PLPPR1: variants seen among roughly 807,000 people sequenced by gnomAD.
The protein encoded by PLPPR1 is phospholipid phosphatase related 1.
A neutral mutation model predicts 33.1 loss-of-function variants in PLPPR1; 10 were observed. The ratio of observed to expected loss-of-function variants is 0.30; its 90% CI spans 0.19 to 0.51. The LOEUF is 0.51. PLPPR1 is among the 20% of genes least tolerant of loss of function. The pLI is 0.97. For synonymous variants in PLPPR1, 151 were observed against 151.0 expected, an observed-to-expected ratio of 1.00 and a Z score of 0.00; for missense variants, 304 against 408.1, an observed-to-expected ratio of 0.74 and a Z score of 2.20.
chr9:101,070,312 A>G (rs557674457), intron 1 of PLPPR1, among the ~76,000 whole-genome samples: 2 of 152,256 alleles, frequency 1.3e-5, no homozygotes, highest in East Asian at 1.9e-4. Context: ...ACTTTGGGTT[A>G]TAATCCAATA....
At chr9:101,029,766 A>G (rs942955405) in intron 1 of PLPPR1, among the ~76,000 whole-genome samples, 1 of 151,848 alleles carries the variant, frequency 6.6e-6, no homozygotes, top group Non-Finnish European at 1.5e-5. Context: ...TGCCATAATC[A>G]CCTCCTAGAA....
rs10989467 is a variant in PLPPR1 at position 101,292,656 on chromosome 9, T to G, written c.385+6420T>G. 1.4e-4 allele frequency among the ~76,000 whole-genome samples: 22 copies of G among 151,752 alleles called. 1 individual carries two copies. Among genetic ancestry groups the G allele is most frequent in the Non-Finnish European group, 4.4e-5 (3 of 68,024 alleles). On this transcript the variant is annotated intron_variant, in intron 4 of 7. Coordinates refer to ENST00000374874, the MANE Select transcript of PLPPR1 (RefSeq NM_207299.2). ...GGCGGGGGGGGCCAATATTCAACAT[T>G]CTTAAAGAAAAGAATTTTCAACCCA...
chr9:101,238,043 A>G (rs546250066), intron 2 of PLPPR1, among the ~76,000 whole-genome samples: 4 of 136,758 alleles, frequency 2.9e-5, no homozygotes, highest in South Asian at 2.3e-4. Context: ...AGAAATGTGT[A>G]TATATATATA....
At chr9:101,256,551 G>C (rs925331732) in intron 2 of PLPPR1, among the ~76,000 whole-genome samples, 7 of 152,114 alleles carry the variant, frequency 4.6e-5, no homozygotes, top group African/African-American at 1.7e-4. Context: ...GATCCAAAAG[G>C]GATCTCCGTA....
chr9:101,082,133 G>A (rs1830626682), intron 1 of PLPPR1, among the ~76,000 whole-genome samples: 1 of 152,088 alleles, frequency 6.6e-6, no homozygotes, highest in Non-Finnish European at 1.5e-5. Context: ...ACTGTGGAGG[G>A]GAATAAGGGG....
intron 1 of PLPPR1, among the ~76,000 whole-genome samples, chr9:101,058,007 AG>A (rs1389217441): frequency 6.6e-6 from 1 of 152,090 alleles, no homozygotes; most frequent in Non-Finnish European, 1.5e-5. Flanking sequence ...GCCCCATCTG[AG>A]CCCATTGGAA....
chr9:101,312,708 GT>G, intron 5 of PLPPR1, 89 bp from the exon 6 acceptor site: 1 of 992,346 alleles, frequency 1.0e-6, no homozygotes, highest in South Asian at 1.5e-5. Context: ...CCCTGCTTGT[GT>G]ATGCTGGTGT....
chr9:101,160,301 T>G (rs1489708527), intron 1 of PLPPR1, among the ~76,000 whole-genome samples: 1 of 152,202 alleles, frequency 6.6e-6, no homozygotes, highest in Non-Finnish European at 1.5e-5. Flanking sequence ...CTTACTTTCT[T>G]TCACAGTAAA....
intron 1 of PLPPR1, among the ~76,000 whole-genome samples, chr9:101,113,991 A>G (rs2993808): frequency 0.68 from 103,887 of 151,930 alleles, 35,865 homozygotes; most frequent in African/African-American, 0.75. Context: ...AGCACAGATA[A>G]GGAAGGAGGG....
chr9:101,274,215 G>T (rs1261995909), intron 3 of PLPPR1, among the ~76,000 whole-genome samples: 3 of 152,130 alleles, frequency 2.0e-5, no homozygotes, highest in Non-Finnish European at 2.9e-5. Context: ...TTACATAAAT[G>T]ATGGTCACAA....
At chr9:101,112,042 C>T (rs182822279) in intron 1 of PLPPR1, among the ~76,000 whole-genome samples, 11 of 152,268 alleles carry the variant, frequency 7.2e-5, no homozygotes, top group Non-Finnish European at 1.2e-4. Flanking sequence ...TTGGAATTTC[C>T]CTGTCCCCAT....
intron 1 of PLPPR1, among the ~76,000 whole-genome samples, chr9:101,111,384 T>C (rs991194711): frequency 2.3e-4 from 35 of 152,332 alleles, no homozygotes; most frequent in Admixed American, 2.2e-3. Flanking sequence ...AGTTCAGTAA[T>C]GCTAATAATG....
chr9:101,039,541 C>T (rs2118414965), intron 1 of PLPPR1, among the ~76,000 whole-genome samples: 1 of 152,242 alleles, frequency 6.6e-6, no homozygotes, highest in Admixed American at 6.5e-5. Flanking sequence ...ACTCTTCTTA[C>T]CTTCTGTATT....
intron 4 of PLPPR1, among the ~76,000 whole-genome samples, chr9:101,296,097 A>C (rs1828630992): frequency 1.3e-5 from 2 of 152,152 alleles, no homozygotes; most frequent in African/African-American, 4.8e-5. Flanking sequence ...AACTCAAACA[A>C]ATTTACAAGA....
chr9:101,122,591 G>A (rs188117579), intron 1 of PLPPR1, among the ~76,000 whole-genome samples: 44 of 152,228 alleles, frequency 2.9e-4, no homozygotes, highest in African/African-American at 1.0e-3. Context: ...TATTCCCAAC[G>A]TTATCTGTAG....
At chr9:101,224,707 G>C (rs1827025615) in intron 2 of PLPPR1, among the ~76,000 whole-genome samples, 1 of 152,180 alleles carries the variant, frequency 6.6e-6, no homozygotes, top group African/African-American at 2.4e-5. Context: ...GCTGAAGTTT[G>C]CATGCTTTCT....
chr9:101,040,469 T>G lies in PLPPR1; in HGVS notation c.-46+11367T>G, dbSNP rs755324864. On this transcript the variant is annotated intron_variant, in intron 1 of 7. Coordinates refer to ENST00000374874, the MANE Select transcript of PLPPR1 (RefSeq NM_207299.2). Reference sequence around the variant, plus strand: ...GTGACTATAATGGATATACCCAAGATAGAATCTGATTGGGTGTGAGCTGTG... The same window carrying G: ...GTGACTATAATGGATATACCCAAGAGAGAATCTGATTGGGTGTGAGCTGTG... Among the ~76,000 whole-genome samples the G allele has an allele frequency of 4.3e-4, 65 of 152,288 alleles. No homozygotes were observed. In the Middle Eastern group the frequency reaches 0.014, roughly 32 times the overall value.
At chr9:101,323,971 G>A (rs1044669600) in intron 7 of PLPPR1, 54 bp from the exon 8 acceptor site, 10 of 1,493,408 alleles carry the variant, frequency 6.7e-6, no homozygotes, top group Non-Finnish European at 9.3e-6. Flanking sequence ...AAGTGAGTGT[G>A]CACGTGTCAG....
At chr9:101,279,333 A>G (rs1411339987) in intron 3 of PLPPR1, among the ~76,000 whole-genome samples, 1 of 152,232 alleles carries the variant, frequency 6.6e-6, no homozygotes, top group Non-Finnish European at 1.5e-5. Flanking sequence ...AGATATACAA[A>G]GCAAAAAATT....
Sources: gnomAD v4.1 joint callset for allele counts (sites outside exome capture counted in the v4.1 genomes callset) on GRCh38, gnomAD v4.1.1 for gene constraint, MANE v1.5 for transcripts, NCBI Gene and HGNC (gene_info 2026-07-23, HGNC 2026-07-21) for gene names.